The following RFX4 variants were observed in gnomAD, a reference collection of about 807,000 sequenced individuals.
RFX4 encodes the protein transcription factor RFX4.
A neutral mutation model predicts 95.0 loss-of-function variants in RFX4; 10 were observed. The observed-to-expected ratio is 0.11, with a 90% CI of 0.06 to 0.18. The LOEUF (loss-of-function observed/expected upper bound fraction) is 0.18. RFX4 is among the 10% of genes least tolerant of loss of function. The pLI, the probability that RFX4 is intolerant of heterozygous loss-of-function variation, is 1.00. For synonymous variants in RFX4, 321 were observed against 340.7 expected, an observed-to-expected ratio of 0.94 and a Z score of 0.64; for missense variants, 640 against 922.0, an observed-to-expected ratio of 0.69 and a Z score of 3.96.
chr12:106,686,420 A>AT, intron 5 of RFX4, among the ~76,000 whole-genome samples: 1 of 152,060 alleles, frequency 6.6e-6, no homozygotes, highest in South Asian at 2.1e-4. Context: ...TCAAAAAAAA[A>AT]AAAAAAGAAA....
chr12:106,696,470 C>G, intron 8 of RFX4, 24 bp downstream of exon 8: 1 of 1,613,280 alleles, frequency 6.2e-7, no homozygotes, highest in Non-Finnish European at 8.5e-7. Flanking sequence ...TTCTTGTCTT[C>G]CTTCACGGCT....
At chr12:106,743,052 T>G (rs2042833389) in intron 15 of RFX4, among the ~76,000 whole-genome samples, 1 of 152,154 alleles carries the variant, frequency 6.6e-6, no homozygotes, top group Non-Finnish European at 1.5e-5. Flanking sequence ...AAGAAAATGT[T>G]CCCCTGTAGC....
intron 2 of RFX4, among the ~76,000 whole-genome samples, chr12:106,622,262 T>C (rs1373906623): frequency 6.6e-6 from 1 of 152,106 alleles, no homozygotes; most frequent in Non-Finnish European, 1.5e-5. Flanking sequence ...CCCACAACTG[T>C]AAGTTACATG....
Position 106,596,079 on chromosome 12 carries a change from C to T in RFX4, c.43+12716C>T, listed in dbSNP as rs548457119. Among the ~76,000 whole-genome samples the T allele has an allele frequency of 3.3e-5, 5 of 152,304 alleles. No homozygotes were observed. In the South Asian group the frequency reaches 1.0e-3, roughly 32 times the overall value. ...TAGTGACTTCCAAGACCTTTTCCCC[C>T]AACCCCCACACACAAAGACCACATA... On this transcript the variant is annotated intron_variant, in intron 1 of 17. Coordinates refer to ENST00000392842, the MANE Select transcript of RFX4 (RefSeq NM_213594.3).
At chr12:106,700,433 G>A (rs2041965073) in intron 8 of RFX4, among the ~76,000 whole-genome samples, 1 of 135,450 alleles carries the variant, frequency 7.4e-6, no homozygotes. Context: ...TTGAGACGGA[G>A]TCTCGCTCTG....
chr12:106,638,134 A>G (rs554284094), intron 2 of RFX4, among the ~76,000 whole-genome samples: 4 of 151,706 alleles, frequency 2.6e-5, no homozygotes, highest in African/African-American at 9.7e-5. Flanking sequence ...CAGCCTCCTG[A>G]GTATCTGAGA....
chr12:106,750,989 G>T (rs901741717), intron 17 of RFX4, among the ~76,000 whole-genome samples, 196 bp downstream of exon 17: 1 of 151,512 alleles, frequency 6.6e-6, no homozygotes, highest in African/African-American at 2.4e-5. Context: ...ACATTGTGCA[G>T]GTTAGTTACA....
chr12:106,717,158 G>A (rs1480426540), intron 11 of RFX4, among the ~76,000 whole-genome samples: 2 of 152,050 alleles, frequency 1.3e-5, no homozygotes, highest in African/African-American at 4.8e-5. Context: ...AGCACTGGGG[G>A]TACCTTTGAT....
chr12:106,722,491 G>A (rs1034030539), intron 13 of RFX4, among the ~76,000 whole-genome samples: 3 of 152,172 alleles, frequency 2.0e-5, no homozygotes, highest in Non-Finnish European at 4.4e-5. Context: ...AGAATGATTA[G>A]GCTTTATGAA....
intron 3 of RFX4, among the ~76,000 whole-genome samples, chr12:106,652,545 A>G (rs922481236): frequency 1.3e-4 from 20 of 152,212 alleles, no homozygotes; most frequent in Middle Eastern, 3.2e-3. Flanking sequence ...AGAAAGGATT[A>G]CATCAACTCT....
intron 17 of RFX4, 101 bp downstream of exon 17, chr12:106,750,894 G>A (rs555292742): frequency 4.1e-5 from 44 of 1,080,534 alleles, no homozygotes; most frequent in Admixed American, 4.0e-4. Flanking sequence ...TGTGTGCAGC[G>A]TGTGTGTCCC....
At chr12:106,606,609 G>A (rs917651847) in intron 1 of RFX4, among the ~76,000 whole-genome samples, 5 of 152,124 alleles carry the variant, frequency 3.3e-5, no homozygotes, top group African/African-American at 7.2e-5. Context: ...TTGTGCATTC[G>A]ATGTCTGGAA....
intron 1 of RFX4, among the ~76,000 whole-genome samples, chr12:106,596,584 C>T (rs879743651): frequency 6.6e-6 from 1 of 152,206 alleles, no homozygotes; most frequent in Non-Finnish European, 1.5e-5. Flanking sequence ...CCATTGTACA[C>T]CTGGTAAAAC....
intron 15 of RFX4, among the ~76,000 whole-genome samples, chr12:106,738,127 C>T (rs2042745970): frequency 6.6e-6 from 1 of 152,116 alleles, no homozygotes; most frequent in Non-Finnish European, 1.5e-5. Context: ...TCCTTTCTCC[C>T]TAAAGAAAGA....
chr12:106,704,959 G>C (rs1437446269), intron 8 of RFX4, among the ~76,000 whole-genome samples: 4 of 152,176 alleles, frequency 2.6e-5, no homozygotes, highest in Admixed American at 6.5e-5. Flanking sequence ...GAGGGCACTG[G>C]AGATGGGGAG....
intron 8 of RFX4, among the ~76,000 whole-genome samples, chr12:106,704,776 C>T (rs976306468): frequency 1.2e-4 from 19 of 152,106 alleles, no homozygotes; most frequent in African/African-American, 4.6e-4. Context: ...TTGTTAATAA[C>T]AATTGGGTTA....
intron 2 of RFX4, among the ~76,000 whole-genome samples, chr12:106,633,840 A>G (rs1325206920): frequency 1.3e-5 from 2 of 152,216 alleles, no homozygotes; most frequent in Admixed American, 1.3e-4. Context: ...TGGCTCCACC[A>G]ATGGGACCAC....
Position 106,678,437 on chromosome 12 carries a change from C to T in RFX4, c.316-3556C>T, listed in dbSNP as rs532332375. 4.9e-4 allele frequency among the ~76,000 whole-genome samples: 74 copies of T among 151,918 alleles called. 1 individual carries two copies. The Middle Eastern group carries it at 0.031, about 63-fold the overall frequency. The stretch of plus-strand genomic sequence containing the variant: ...CAATGCTGCTTTCTTCAATTATCTA[C>T]GTATTGTTTATAGAAAATAGGAAAT... On this transcript the variant is annotated intron_variant, in intron 4 of 17. Transcript: ENST00000392842.
chr12:106,612,642 A>G (rs2039985613), intron 2 of RFX4, among the ~76,000 whole-genome samples: 1 of 152,172 alleles, frequency 6.6e-6, no homozygotes, highest in South Asian at 2.1e-4. Flanking sequence ...GTTCGAAACC[A>G]GCCTGGCCAA....
Sources: allele counts gnomAD v4.1 joint callset (sites outside exome capture counted in the v4.1 genomes callset), GRCh38; gene constraint gnomAD v4.1.1; transcripts MANE v1.5; gene names NCBI Gene and HGNC (gene_info 2026-07-23, HGNC 2026-07-21).